The following STIM2 variants were observed in gnomAD, a reference collection of about 807,000 sequenced individuals.
The protein encoded by STIM2 is stromal interaction molecule 2.
A neutral mutation model predicts 85.8 loss-of-function variants in STIM2; 31 were observed. That is an observed-to-expected ratio of 0.36 (90% CI 0.27 to 0.49). STIM2 has a LOEUF of 0.49. STIM2 is among the 20% of genes least tolerant of loss of function. The pLI is 0.98. For synonymous variants in STIM2, 356 were observed against 331.1 expected (o/e 1.08, Z -0.82); for missense variants, 841 against 927.6 (o/e 0.91, Z 1.21).
chr4:26,914,574 C>G (rs1724463102), intron 1 of STIM2, among the ~76,000 whole-genome samples: 1 of 152,156 alleles, frequency 6.6e-6, no homozygotes, highest in Non-Finnish European at 1.5e-5. Flanking sequence ...AACCTAGACT[C>G]TGGCATTTAG....
intron 1 of STIM2, among the ~76,000 whole-genome samples, chr4:26,889,656 T>G (rs947446020): frequency 6.6e-5 from 10 of 152,194 alleles, no homozygotes; most frequent in African/African-American, 1.4e-4. Flanking sequence ...ACTGGCAGAT[T>G]GGGCCTCATT....
chr4:26,956,482 T>A (rs942777550), intron 2 of STIM2, among the ~76,000 whole-genome samples: 4 of 151,860 alleles, frequency 2.6e-5, no homozygotes, highest in Non-Finnish European at 4.4e-5. Flanking sequence ...CTTGCCTTGT[T>A]GCCCAGGTTG....
chr4:26,947,367 C>T (rs115678997), intron 2 of STIM2, among the ~76,000 whole-genome samples: 67 of 152,126 alleles, frequency 4.4e-4, no homozygotes, highest in Non-Finnish European at 7.6e-4. Context: ...AAATTCATAT[C>T]GAAACGTATT....
intron 2 of STIM2, among the ~76,000 whole-genome samples, chr4:26,920,576 T>C (rs889939333): frequency 6.6e-6 from 1 of 152,214 alleles, no homozygotes; most frequent in Non-Finnish European, 1.5e-5. Flanking sequence ...TAAATTACAT[T>C]ATTTTCTACA....
intron 2 of STIM2, among the ~76,000 whole-genome samples, chr4:26,930,558 C>T (rs993482444): frequency 3.3e-5 from 5 of 151,920 alleles, no homozygotes; most frequent in Non-Finnish European, 7.4e-5. Flanking sequence ...TCCATTGTAC[C>T]TAGTATTTCA....
chr4:26,968,422 G>A (rs1449104456), intron 3 of STIM2, among the ~76,000 whole-genome samples: 4 of 152,152 alleles, frequency 2.6e-5, no homozygotes, highest in African/African-American at 4.8e-5. Flanking sequence ...AGCCAGTCAC[G>A]TAAAAAATAT....
rs548949716 is a variant in STIM2 at position 26,970,646 on chromosome 4, G to A, written c.397+12920G>A. On this transcript the variant is annotated intron_variant, in intron 3 of 11. Transcript: ENST00000467087. Reference sequence around the variant, plus strand: ...CATTTTCTTAATTCAGTCTATCATTGTTGAACATTTGGGTTGGTTCCAAGT... The same window carrying A: ...CATTTTCTTAATTCAGTCTATCATTATTGAACATTTGGGTTGGTTCCAAGT... 2.9e-4 allele frequency among the ~76,000 whole-genome samples: 44 copies of A among 152,254 alleles called. No individual in the cohort carries two copies. In the Middle Eastern group the frequency reaches 0.024, roughly 82 times the overall value.
At chr4:26,973,207 A>AT (rs1216397516) in intron 3 of STIM2, among the ~76,000 whole-genome samples, 8 of 151,920 alleles carry the variant, frequency 5.3e-5, no homozygotes, top group Non-Finnish European at 8.8e-5. Context: ...GGATTGATTG[A>AT]TTTTTTGAAG....
At chr4:26,984,402 C>T (rs2109116117) in intron 3 of STIM2, among the ~76,000 whole-genome samples, 1 of 152,260 alleles carries the variant, frequency 6.6e-6, no homozygotes, top group South Asian at 2.1e-4. Context: ...ACTCTGTTGC[C>T]CAGGCTGGAA....
In STIM2 at chr4:26,914,196, T is replaced by C. The variant is rs201602286; in HGVS notation, c.152-5308T>C. On this transcript the variant is annotated intron_variant, in intron 1 of 11. Transcript: ENST00000467087. ...ATCTGGCCTTCGCTTATACTTTTTC[T>C]GTTAATTATCTAATTAAGTGGGAAT... Among the ~76,000 whole-genome samples, 16 of 152,360 alleles carry C rather than the reference T, an allele frequency of 1.1e-4. No individual in the cohort carries two copies. In the East Asian group the frequency reaches 3.1e-3, roughly 29 times the overall value.
rs191383493 is a variant in STIM2 at position 26,915,411 on chromosome 4, T to C, written c.152-4093T>C. Among the ~76,000 whole-genome samples the C allele has an allele frequency of 2.4e-4, 36 of 152,124 alleles. No homozygotes were observed. In the East Asian group the frequency reaches 6.4e-3, roughly 27 times the overall value. Reference sequence around the variant, plus strand: ...CACTATGCCCGGCTAATTTTTGTATTTTTCGTAGGGATAGGGTTTTGCCAT... The same window carrying C: ...CACTATGCCCGGCTAATTTTTGTATCTTTCGTAGGGATAGGGTTTTGCCAT... On this transcript the variant is annotated intron_variant, in intron 1 of 11. Coordinates refer to ENST00000467087, the MANE Select transcript of STIM2 (RefSeq NM_020860.4).
chr4:27,004,307 C>T (rs1467130575), intron 7 of STIM2, among the ~76,000 whole-genome samples: 1 of 151,990 alleles, frequency 6.6e-6, no homozygotes, highest in Non-Finnish European at 1.5e-5. Flanking sequence ...ACAGTCATGC[C>T]TCATTCAACT....
In STIM2 at chr4:27,007,719, A is replaced by G. The variant is rs566080533; in HGVS notation, c.1149+19A>G. 33 of 1,527,284 alleles carry G rather than the reference A, an allele frequency of 2.2e-5. No homozygotes were observed. In the Admixed American group the frequency reaches 6.8e-4, roughly 31 times the overall value. The allele number at this position is 1,527,284 out of a possible 1,614,324, so 94.6% of individuals were successfully genotyped here. A position where few individuals can be genotyped will look rare whatever the true frequency, so the allele number is the denominator to read the frequency against. ...AGATGAGGTACTCTCTTGTATTTCAAAATTTACTAAATTTGTTTCTTAGGC... is the reference window on the plus strand; with the variant it reads ...AGATGAGGTACTCTCTTGTATTTCAGAATTTACTAAATTTGTTTCTTAGGC... On this transcript the variant is annotated intron_variant, in intron 8 of 11. Coordinates refer to ENST00000467087, the MANE Select transcript of STIM2 (RefSeq NM_020860.4).
At chr4:27,019,212 TATC>T in intron 11 of STIM2, among the ~76,000 whole-genome samples, 1 of 152,318 alleles carries the variant, frequency 6.6e-6, no homozygotes, top group South Asian at 2.1e-4. Flanking sequence ...TAGGTGACAT[TATC>T]ATCAATAATC....
At chr4:26,918,882 A>G (rs1282649838) in intron 1 of STIM2, among the ~76,000 whole-genome samples, 1 of 152,214 alleles carries the variant, frequency 6.6e-6, no homozygotes. Flanking sequence ...AACAAGATTT[A>G]AAAACATCTG....
chr4:26,872,617 C>T (rs1040375938), intron 1 of STIM2, among the ~76,000 whole-genome samples: 8 of 152,016 alleles, frequency 5.3e-5, no homozygotes, highest in Non-Finnish European at 7.4e-5. Context: ...TGTGAAATTA[C>T]TTAGTAAATA....
chr4:26,990,822 C>T (rs770995852), intron 3 of STIM2, among the ~76,000 whole-genome samples: 20 of 151,820 alleles, frequency 1.3e-4, no homozygotes, highest in Non-Finnish European at 2.4e-4. Flanking sequence ...CACAGGTATA[C>T]GAAAAAATGT....
Position 26,989,312 on chromosome 4 carries a change from ACAAAT to A in STIM2, c.398-6063_398-6059del, listed in dbSNP as rs139760466. 8.3e-3 allele frequency among the ~76,000 whole-genome samples: 1,272 copies of A among 152,368 alleles called. 20 individuals carry two copies. The highest frequency in any genetic ancestry group is 0.01 in the Non-Finnish European group (686 of 68,038). On this transcript the variant is annotated intron_variant, in intron 3 of 11. Transcript: ENST00000467087. ...TTAAGATGCAAGGACTGTTCAACAC[ACAAAT>A]CAATAAATGTGCTACCTCACATCAA...
At position 27,024,541 on chromosome 4, in the gene STIM2, T is replaced by C. The variant is rs1729020619; in HGVS notation, c.*1545T>C. On this transcript the variant is annotated 3_prime_UTR_variant, in exon 12 of 12. Transcript: ENST00000467087. ...TTAAAGAAATGCTTTAGTAAGAATA[T>C]GAACAATTTCCTGATGTCTCCTATA... 6.6e-6 allele frequency: 1 copy of C among 152,240 alleles called. No individual in the cohort carries two copies. The highest frequency in any genetic ancestry group is 2.4e-5 in the African/African-American group (1 of 41,456). 9.4% of individuals were successfully genotyped at this position (152,240 alleles called of 1,614,324 possible).
Sources: allele counts gnomAD v4.1 joint callset (sites outside exome capture counted in the v4.1 genomes callset), GRCh38; gene constraint gnomAD v4.1.1; transcripts MANE v1.5; gene names NCBI Gene and HGNC (gene_info 2026-07-23, HGNC 2026-07-21).